Variants in XYLT2 observed in about 807,000 individuals in gnomAD.
XYLT2 encodes the protein xylosyltransferase 2, also known as UDP-D-xylose:proteoglycan core protein beta-D-xylosyltransferase.
XYLT2 carries 37 observed loss-of-function variants against 82.6 expected under a neutral mutation model. That is an observed-to-expected ratio of 0.45 (90% CI 0.34 to 0.59). XYLT2 has a LOEUF of 0.59. Among genes scored for constraint, XYLT2 ranks in the 20% least tolerant of loss-of-function variants. The pLI is 0.01. For missense variants in XYLT2, 934 were observed against 1,181.3 expected (o/e 0.79, Z 3.07); for synonymous variants, 474 against 499.0 (o/e 0.95, Z 0.67).
At chr17:50,359,103 C>T (rs1288331032) in intron 10 of XYLT2, 2 of 153,504 alleles carry the variant, frequency 1.3e-5, no homozygotes, top group Non-Finnish European at 2.9e-5. Flanking sequence ...AGACACTGAC[C>T]AGAGACTTTT....
intron 9 of XYLT2, 140 bp from the exon 10 acceptor site, chr17:50,358,067 C>T: frequency 1.4e-6 from 1 of 732,156 alleles, no homozygotes; most frequent in East Asian, 2.7e-5. Flanking sequence ...CCTAGTCTGA[C>T]CCCTTCATTT....
chr17:50,358,697 C>T (rs1912664778), intron 10 of XYLT2, among the ~76,000 whole-genome samples, 157 bp downstream of exon 10: 2 of 152,248 alleles, frequency 1.3e-5, no homozygotes, highest in Admixed American at 1.3e-4. Context: ...CTGTAGCATG[C>T]AGGGTCCTGC....
intron 1 of XYLT2, among the ~76,000 whole-genome samples, chr17:50,351,759 G>A (rs1207575906): frequency 1.3e-5 from 2 of 152,154 alleles, no homozygotes; most frequent in Admixed American, 1.3e-4. Context: ...GGTACTTTTG[G>A]GCTTGTGGCT....
rs994127946 is a variant in XYLT2, at chr17:50,359,988, C to T, written c.2295C>T (p.His765=). The change falls in exon 11 of 11, where the codon CAC becomes CAT. Residue 765 remains histidine (H), a synonymous_variant. Transcript: ENST00000017003. ...PLRKDDASWL[H]AGPPHNEYME... ...CCACAGATGATGCCAGCTGGCTGCA[C>T]GCAGGGCCACCCCACAACGAGTACA... 1.3e-5 allele frequency: 21 copies of T among 1,605,374 alleles called. No individual in the cohort carries two copies. Among genetic ancestry groups the T allele is most frequent in the African/African-American group, 4.0e-5 (3 of 74,772 alleles).
intron 9 of XYLT2, chr17:50,357,496 C>A: frequency 2.2e-6 from 1 of 456,900 alleles, no homozygotes; most frequent in Non-Finnish European, 3.8e-6. Flanking sequence ...CACTACAACA[C>A]AAGCCCAATC....
At position 50,348,154 on chromosome 17, in the gene XYLT2, T is replaced by C. The variant is rs986555232; in HGVS notation, c.135+1879T>C. Among the ~76,000 whole-genome samples, 9 of 152,344 alleles carry C rather than the reference T, an allele frequency of 5.9e-5. No individual in the cohort carries two copies. In the East Asian group the frequency reaches 1.7e-3, roughly 29 times the overall value. On this transcript the variant is annotated intron_variant, in intron 1 of 10. Transcript: ENST00000017003. ...ATAGGTGTGAAGTCCTACTTTGTAC[T>C]AGACACTGTGCTAATACTGGGGATA...
chr17:50,348,592 C>A (rs564903492), intron 1 of XYLT2, among the ~76,000 whole-genome samples: 1 of 152,302 alleles, frequency 6.6e-6, no homozygotes, highest in East Asian at 1.9e-4. Context: ...TCACGAACCT[C>A]CAGAGAGCCA....
intron 1 of XYLT2, among the ~76,000 whole-genome samples, chr17:50,352,214 T>G (rs1403129825): frequency 6.6e-6 from 1 of 152,162 alleles, no homozygotes; most frequent in Non-Finnish European, 1.5e-5. Context: ...CATGCTCAGT[T>G]GTTACTCCTT....
rs561109779 is a variant in XYLT2 at position 50,346,814 on chromosome 17, AG to A, written c.135+541del. On this transcript the variant is annotated intron_variant, in intron 1 of 10. Coordinates refer to ENST00000017003, the MANE Select transcript of XYLT2 (RefSeq NM_022167.4). The surrounding 1 kb of genome is among the most constrained non-coding windows in gnomAD (Gnocchi z 5.1). ...GACAAAGTGTGTACCCGGGAACTGAAGGAACAGGGAGTGACGCCGAAGGAGA... is the reference window on the plus strand; with the variant it reads ...GACAAAGTGTGTACCCGGGAACTGAAGAACAGGGAGTGACGCCGAAGGAGA... 9.0e-5 allele frequency: 89 copies of A among 985,366 alleles called. No individual in the cohort carries two copies. In the African/African-American group the frequency reaches 1.5e-3, roughly 16 times the overall value. The allele number at this position is 985,366 out of a possible 1,614,324, so 61.0% of individuals were successfully genotyped here.
chr17:50,361,073 A>G lies in XYLT2; in HGVS notation c.*782A>G. ...AGAAGACTCTGTCAAGACTCTCAGA[A>G]GAACCTGGAGTAATTGTGCCTGAAG... On this transcript the variant is annotated 3_prime_UTR_variant, in exon 11 of 11. Transcript: ENST00000017003. 1.0e-6 allele frequency: 1 copy of G among 985,982 alleles called. No individual in the cohort carries two copies. Among genetic ancestry groups the G allele is most frequent in the Non-Finnish European group, 1.2e-6 (1 of 829,968 alleles). The allele number at this position is 985,982 out of a possible 1,614,324, so 61.1% of individuals were successfully genotyped here.
Position 50,357,192 on chromosome 17 carries a change from C to T in XYLT2, c.1881C>T (p.Pro627=). The T allele has an allele frequency of 6.2e-7, 1 of 1,611,456 alleles. No homozygotes were observed. Among genetic ancestry groups the T allele is most frequent in the East Asian group, 2.2e-5 (1 of 44,872 alleles). ...AGACGCTTGAGATGTGGCTGATGCC[C>T]CAAGGGTCGCTGAAGCTGTTGGGGC... The part of the protein sequence containing the change: ...PAETLEMWLM[P]QGSLKLLGRS... The change falls in exon 9 of 11, where the codon CCC becomes CCT. Residue 627 remains proline, a synonymous_variant. Coordinates refer to ENST00000017003, the MANE Select transcript of XYLT2 (RefSeq NM_022167.4).
chr17:50,351,968 G>A (rs1912289450), intron 1 of XYLT2, among the ~76,000 whole-genome samples: 1 of 152,182 alleles, frequency 6.6e-6, no homozygotes, highest in Admixed American at 6.5e-5. Context: ...GGGAAACAAG[G>A]AAGCACCAAG....
rs765212722 is a variant in XYLT2, at chr17:50,358,584, T to C, written c.2275+44T>C. On this transcript the variant is annotated intron_variant, in intron 10 of 10. Transcript: ENST00000017003. ...AATGAGGCCCAGAAGCCAGACAGAATAGGACTCGCCAGAGAGGTGACCTCA... is the reference window on the plus strand; with the variant it reads ...AATGAGGCCCAGAAGCCAGACAGAACAGGACTCGCCAGAGAGGTGACCTCA... The C allele has an allele frequency of 2.6e-6, 4 of 1,549,474 alleles. No individual in the cohort carries two copies. In the Admixed American group the frequency reaches 5.7e-5, roughly 22 times the overall value.
chr17:50,355,721 T>C (rs1297495390), intron 5 of XYLT2, 60 bp from the exon 6 acceptor site: 3 of 1,599,262 alleles, frequency 1.9e-6, no homozygotes, highest in Non-Finnish European at 2.6e-6. Flanking sequence ...GCCAGGCGGG[T>C]GAAAGAGCTT....
In XYLT2 at chr17:50,355,961, G is replaced by A. The variant is rs1912507757; in HGVS notation, c.1269G>A (p.Leu423=). The A allele has an allele frequency of 5.6e-6, 9 of 1,614,160 alleles. No homozygotes were observed. Among genetic ancestry groups the A allele is most frequent in the Non-Finnish European group, 7.6e-6 (9 of 1,180,018 alleles). Residue 423 remains leucine, a synonymous_variant, in exon 6 of 11, where the codon CTG becomes CTA. Coordinates refer to ENST00000017003, the MANE Select transcript of XYLT2 (RefSeq NM_022167.4). ...CAGATGACCCGCTTGTGGCCCAGCTGCGCCAGTTCTACACATACACACTGC... is the reference window on the plus strand; with the variant it reads ...CAGATGACCCGCTTGTGGCCCAGCTACGCCAGTTCTACACATACACACTGC... ...VYTDDPLVAQ[L]RQFYTYTLLP...
rs369488056 is a variant in XYLT2, at chr17:50,358,592, G to A, written c.2275+52G>A. On this transcript the variant is annotated intron_variant, in intron 10 of 10. Transcript: ENST00000017003. ...CCAGAAGCCAGACAGAATAGGACTC[G>A]CCAGAGAGGTGACCTCAAGAAGCCA... 1.2e-5 allele frequency: 18 copies of A among 1,516,502 alleles called. No homozygotes were observed. The South Asian group carries it at 1.9e-4, about 16-fold the overall frequency. The allele number at this position is 1,516,502 out of a possible 1,614,324, so 93.9% of individuals were successfully genotyped here.
chr17:50,355,215 G>A (rs1296874180), intron 4 of XYLT2, among the ~76,000 whole-genome samples, 159 bp downstream of exon 4: 3 of 152,172 alleles, frequency 2.0e-5, no homozygotes, highest in Non-Finnish European at 4.4e-5. Flanking sequence ...TGTTTTAGGG[G>A]AGGGGTTGGT....
intron 1 of XYLT2, among the ~76,000 whole-genome samples, chr17:50,349,575 T>G (rs1409174755): frequency 1.3e-5 from 2 of 152,162 alleles, no homozygotes; most frequent in Non-Finnish European, 2.9e-5. Flanking sequence ...ATAGCAAGAC[T>G]ATCTCTATTA....
At chr17:50,350,864 G>A (rs1912239132) in intron 1 of XYLT2, among the ~76,000 whole-genome samples, 2 of 152,092 alleles carry the variant, frequency 1.3e-5, no homozygotes. Flanking sequence ...GTGAGCAGTG[G>A]GGCTATCTGG....
Sources: allele counts gnomAD v4.1 joint callset (sites outside exome capture counted in the v4.1 genomes callset), GRCh38; gene constraint gnomAD v4.1.1; non-coding constraint Gnocchi (gnomAD v3.1); transcripts MANE v1.5; gene names NCBI Gene and HGNC (gene_info 2026-07-23, HGNC 2026-07-21).